Variants in ACOT7 observed in about 807,000 individuals in gnomAD.
The protein encoded by ACOT7 is cytosolic acyl coenzyme A thioester hydrolase.
A neutral mutation model predicts 40.2 loss-of-function variants in ACOT7; 12 were observed. The ratio of observed to expected loss-of-function variants is 0.30; its 90% confidence interval spans 0.19 to 0.48. The LOEUF (loss-of-function observed/expected upper bound fraction) is 0.48, where lower values mean the gene tolerates loss of function less well. ACOT7 is among the 20% of genes least tolerant of loss of function. The pLI, the probability that ACOT7 is intolerant of heterozygous loss-of-function variation, is 0.99. For synonymous variants in ACOT7, 228 were observed against 219.5 expected (o/e 1.04, Z -0.34); for missense variants, 395 against 530.8 (o/e 0.74, Z 2.51).
chr1:6,338,000 CAAAAAAAAA>C (rs769360339), intron 3 of ACOT7, among the ~76,000 whole-genome samples: 3 of 71,814 alleles, frequency 4.2e-5, no homozygotes, highest in Non-Finnish European at 6.4e-5. Context: ...GACACCATCT[CAAAAAAAAA>C]AAAAAAAAAA....
Position 6,338,286 on chromosome 1 carries a change from C to T in ACOT7, c.418+1147G>A, listed in dbSNP as rs1275812766. On this transcript the variant is annotated intron_variant, in intron 3 of 8. Coordinates refer to ENST00000361521, the MANE Select transcript of ACOT7 (RefSeq NM_007274.4). This position sits in a 1 kb window ranked among gnomAD's most constrained non-coding sequence, Gnocchi z 4.4. ...CACAGTCGGAGAAGAGCTGCGATCT[C>T]ACAGGAGATGGCAGGGAACCCCCAA... is the stretch of plus-strand genomic sequence containing the variant. Among the ~76,000 whole-genome samples, 1 of 152,204 alleles carries T rather than the reference C, an allele frequency of 6.6e-6. No individual in the cohort carries two copies. The highest frequency in any genetic ancestry group is 1.5e-5 in the Non-Finnish European group (1 of 68,026).
rs1049415595 is a variant in ACOT7, at chr1:6,274,016, G to T, written c.1014+7086C>A. On this transcript the variant is annotated intron_variant, in intron 8 of 8. Coordinates refer to ENST00000361521, the MANE Select transcript of ACOT7 (RefSeq NM_007274.4). This position sits in a 1 kb window ranked among gnomAD's most constrained non-coding sequence, Gnocchi z 5.9. ...CTTGTCCTGGTCCGGCCTGGACACG[G>T]TCAGGAATGGCCACCTCTGCTCCTG... Among the ~76,000 whole-genome samples the T allele has an allele frequency of 2.0e-5, 3 of 152,198 alleles. No individual in the cohort carries two copies. The highest frequency in any genetic ancestry group is 6.5e-5 in the Admixed American group (1 of 15,288).
In ACOT7 at chr1:6,281,124, G is replaced by A. The variant is rs1168586569; in HGVS notation, c.992C>T (p.Ser331Leu). 8 of 1,613,714 alleles carry A rather than the reference G, an allele frequency of 5.0e-6. No individual in the cohort carries two copies. Among genetic ancestry groups the A allele is most frequent in the South Asian group, 1.1e-5 (1 of 91,070 alleles). Residue 331 changes from serine to leucine, a missense_variant, in exon 8 of 9, where the codon TCG becomes TTG. This residue lies in a region of ACOT7 where 309 missense variants were observed against 470.3 expected (regional missense o/e 0.66). Coordinates refer to ENST00000361521, the MANE Select transcript of ACOT7 (RefSeq NM_007274.4). ...CACCACCAGCTGGGGCACAGGCAGC[G>A]ACCTGCCTTCCTGGCTCAGCGACAC... is the stretch of plus-strand genomic sequence containing the variant. ...TYVSLSQEGRSLPVPQLVPET... is the reference protein window; with the variant it reads ...TYVSLSQEGRLLPVPQLVPET...
chr1:6,390,753 T>A (rs1298126488), intron 1 of ACOT7, among the ~76,000 whole-genome samples: 3 of 150,816 alleles, frequency 2.0e-5, no homozygotes, highest in African/African-American at 7.3e-5. Context: ...CTGGCCAACA[T>A]GGTGAAACCC....
chr1:6,307,246 T>C (rs1189306278), intron 6 of ACOT7, among the ~76,000 whole-genome samples: 2 of 152,214 alleles, frequency 1.3e-5, no homozygotes, highest in African/African-American at 4.8e-5. Context: ...TACGTGTTTC[T>C]CACGTGCAGC....
chr1:6,366,820 T>C (rs181201906), intron 1 of ACOT7, among the ~76,000 whole-genome samples: 37 of 152,166 alleles, frequency 2.4e-4, no homozygotes, highest in Non-Finnish European at 4.6e-4. Flanking sequence ...CACACCAGGC[T>C]AATTTTTTGT....
At chr1:6,373,329 C>T (rs760698409) in intron 1 of ACOT7, among the ~76,000 whole-genome samples, 12 of 152,214 alleles carry the variant, frequency 7.9e-5, no homozygotes, top group Non-Finnish European at 1.8e-4. Flanking sequence ...CAGCTCACTG[C>T]AACCTCTGCC....
At chr1:6,312,505 C>G (rs1381772327) in intron 6 of ACOT7, among the ~76,000 whole-genome samples, 1 of 151,312 alleles carries the variant, frequency 6.6e-6, no homozygotes, top group African/African-American at 2.4e-5. Flanking sequence ...GCTCTGTCAC[C>G]CAGGCTGGCT....
At chr1:6,341,226 C>G (rs1403422220) in intron 2 of ACOT7, among the ~76,000 whole-genome samples, 2 of 151,628 alleles carry the variant, frequency 1.3e-5, no homozygotes, top group Admixed American at 1.3e-4. Flanking sequence ...ACTGCAACCT[C>G]CGCCTCCAGG....
chr1:6,375,904 C>T (rs1262989607), intron 1 of ACOT7, among the ~76,000 whole-genome samples: 1 of 148,398 alleles, frequency 6.7e-6, no homozygotes, highest in Non-Finnish European at 1.5e-5. Flanking sequence ...TGCCACTGCA[C>T]TCCAGCATGG....
At chr1:6,334,644 G>A (rs1361436979) in intron 3 of ACOT7, among the ~76,000 whole-genome samples, 2 of 152,232 alleles carry the variant, frequency 1.3e-5, no homozygotes, top group Non-Finnish European at 2.9e-5. Context: ...TGACTCCTTG[G>A]GGCACTGAGC....
intron 2 of ACOT7, among the ~76,000 whole-genome samples, chr1:6,342,230 C>T (rs998485620): frequency 1.3e-5 from 2 of 152,112 alleles, no homozygotes; most frequent in African/African-American, 4.8e-5. Context: ...ACGTGGTGGC[C>T]GGGGCAAATG....
At chr1:6,372,594 A>AG in intron 1 of ACOT7, among the ~76,000 whole-genome samples, 1 of 135,628 alleles carries the variant, frequency 7.4e-6, no homozygotes, top group Non-Finnish European at 1.5e-5. Flanking sequence ...TCTGTCGCCC[A>AG]GGTTGGAGTG....
chr1:6,378,837 C>T (rs80224091), intron 1 of ACOT7, among the ~76,000 whole-genome samples: 2,702 of 151,864 alleles, frequency 0.018, 98 homozygotes, highest in African/African-American at 0.062. Context: ...GACAGGTGCA[C>T]GGCGTGGCCT....
chr1:6,286,498 T>C (rs1255651193), intron 7 of ACOT7, among the ~76,000 whole-genome samples: 3 of 152,134 alleles, frequency 2.0e-5, no homozygotes, highest in Admixed American at 1.3e-4. Context: ...TACGAAGCCA[T>C]GCGGGAGGAG....
Position 6,364,259 on chromosome 1 carries a change from C to T in ACOT7, c.144-14393G>A, listed in dbSNP as rs114505152. 3.5e-3 allele frequency among the ~76,000 whole-genome samples: 539 copies of T among 152,074 alleles called. 3 individuals are homozygous for T. The highest frequency in any genetic ancestry group is 0.012 in the African/African-American group (513 of 41,502). Reference sequence around the variant, plus strand: ...AAAAGTAACATCTAAAAGCAATTATCGGCGAGGTGTGGTGGCTCACACCTG... The same window carrying T: ...AAAAGTAACATCTAAAAGCAATTATTGGCGAGGTGTGGTGGCTCACACCTG... On this transcript the variant is annotated intron_variant, in intron 1 of 8. Coordinates refer to ENST00000361521, the MANE Select transcript of ACOT7 (RefSeq NM_007274.4).
chr1:6,336,064 C>T (rs1437572659), intron 3 of ACOT7, among the ~76,000 whole-genome samples: 3 of 152,276 alleles, frequency 2.0e-5, no homozygotes, highest in African/African-American at 7.2e-5. Context: ...AATTATCTCT[C>T]GGCCAGCTGC....
chr1:6,345,860 G>A (rs753243774), intron 2 of ACOT7, among the ~76,000 whole-genome samples: 6 of 152,182 alleles, frequency 3.9e-5, no homozygotes, highest in East Asian at 1.9e-4. Context: ...GCGTGGCCGC[G>A]GGCTCATCGT....
intron 1 of ACOT7, among the ~76,000 whole-genome samples, chr1:6,362,400 C>T (rs542191682): frequency 2.6e-3 from 385 of 150,216 alleles, no homozygotes; most frequent in African/African-American, 8.8e-3. Flanking sequence ...CATTGCACTC[C>T]AGCCTGTGTG....
Sources: gnomAD v4.1 joint callset for allele counts (sites outside exome capture counted in the v4.1 genomes callset) on GRCh38, gnomAD v4.1.1 for gene constraint, gnomAD v4.1.1 regional missense constraint, Gnocchi (gnomAD v3.1) non-coding constraint, MANE v1.5 for transcripts, NCBI Gene and HGNC (gene_info 2026-07-23, HGNC 2026-07-21) for gene names.